The following COL5A2 variants were observed in gnomAD, a reference collection of about 807,000 sequenced individuals.
The protein encoded by COL5A2 is collagen type V alpha 2 chain.
A neutral mutation model predicts 208.2 loss-of-function variants in COL5A2; 23 were observed. The ratio of observed to expected loss-of-function variants is 0.11; its 90% CI spans 0.08 to 0.16. The LOEUF (loss-of-function observed/expected upper bound fraction) is 0.16. Ranked by LOEUF, COL5A2 falls within the 10% of genes least tolerant of loss-of-function variation. COL5A2 has a pLI of 1.00. For missense variants in COL5A2, 1,590 were observed against 1,956.4 expected, an observed-to-expected ratio of 0.81 and a Z score of 3.53; for synonymous variants, 625 against 628.5, an observed-to-expected ratio of 0.99 and a Z score of 0.08.
intron 26 of COL5A2, among the ~76,000 whole-genome samples, chr2:189,063,598 C>A (rs2105591792): frequency 6.6e-6 from 1 of 152,196 alleles, no homozygotes; most frequent in South Asian, 2.1e-4. Context: ...CATTGCAGAA[C>A]AAGGGAAGAT....
At chr2:189,293,884 A>G in the COL5A2 span, among the ~76,000 whole-genome samples, 620 of 152,180 alleles carry the variant, frequency 4.1e-3, 3 homozygotes, top group Middle Eastern at 6.8e-3. Flanking sequence ...AGGAGATCGA[A>G]ACCATCCTGG....
the COL5A2 span, among the ~76,000 whole-genome samples, chr2:189,302,641 A>C: frequency 6.6e-6 from 1 of 152,178 alleles, no homozygotes; most frequent in Non-Finnish European, 1.5e-5. Context: ...AAAATAATGA[A>C]AGGAAAATTC....
the COL5A2 span, among the ~76,000 whole-genome samples, chr2:189,313,779 T>C: frequency 6.6e-6 from 1 of 151,806 alleles, no homozygotes; most frequent in African/African-American, 2.4e-5. Flanking sequence ...CAGAAAAAAA[T>C]CAGGGGTTGC....
chr2:189,228,844 G>C (rs1239299795), upstream of COL5A2, among the ~76,000 whole-genome samples: 1 of 151,764 alleles, frequency 6.6e-6, no homozygotes, highest in Non-Finnish European at 1.5e-5. Flanking sequence ...CAAACCTAGA[G>C]AAAGACATCA....
chr2:189,099,962 C>T (rs992434511), intron 4 of COL5A2, 145 bp downstream of exon 4: 11 of 655,404 alleles, frequency 1.7e-5, no homozygotes, highest in Admixed American at 1.0e-4. Flanking sequence ...CTAATCTGTT[C>T]TGGTTTGCTT....
intron 1 of COL5A2, among the ~76,000 whole-genome samples, chr2:189,120,440 C>A (rs1687477620): frequency 6.6e-6 from 1 of 152,092 alleles, no homozygotes; most frequent in Non-Finnish European, 1.5e-5. Flanking sequence ...TTTTCATTAA[C>A]TACAACTAAG....
upstream of COL5A2, among the ~76,000 whole-genome samples, chr2:189,184,308 C>A (rs1688819742): frequency 6.6e-6 from 1 of 151,618 alleles, no homozygotes; most frequent in South Asian, 2.1e-4. Context: ...GAAAAGAAGA[C>A]ATTTCAAGCT....
At chr2:189,366,675 T>C in the COL5A2 span, among the ~76,000 whole-genome samples, 1 of 152,212 alleles carries the variant, frequency 6.6e-6, no homozygotes, top group Admixed American at 6.5e-5. Flanking sequence ...ACCTATAAGA[T>C]GGCCTGAAAA....
upstream of COL5A2, among the ~76,000 whole-genome samples, chr2:189,229,747 C>T (rs1689458382): frequency 6.6e-6 from 1 of 151,650 alleles, no homozygotes; most frequent in African/African-American, 2.4e-5. Context: ...ATTAAAATGT[C>T]CATACAACTG....
At chr2:189,397,019 G>T in the COL5A2 span, among the ~76,000 whole-genome samples, 3 of 150,536 alleles carry the variant, frequency 2.0e-5, no homozygotes, top group Non-Finnish European at 4.4e-5. Context: ...AGATAAATGA[G>T]ATAATTATAT....
At chr2:189,058,031 T>TAGTA in intron 33 of COL5A2, among the ~76,000 whole-genome samples, 1 of 152,182 alleles carries the variant, frequency 6.6e-6, no homozygotes, top group Non-Finnish European at 1.5e-5. Context: ...TTCACATATG[T>TAGTA]AGTAAGCAGA....
At chr2:189,321,894 G>T in the COL5A2 span, among the ~76,000 whole-genome samples, 1 of 152,010 alleles carries the variant, frequency 6.6e-6, no homozygotes, top group Admixed American at 6.6e-5. Context: ...GCACCACATC[G>T]CACCTATTCC....
At chr2:189,311,550 T>C in the COL5A2 span, 1 of 1,270,254 alleles carries the variant, frequency 7.9e-7, no homozygotes. Flanking sequence ...AGCTGCTCCA[T>C]CTGCTGGGCG....
chr2:189,052,826 C>G, intron 39 of COL5A2, 24 bp from the exon 40 acceptor site: 2 of 1,613,856 alleles, frequency 1.2e-6, no homozygotes, highest in Non-Finnish European at 1.7e-6. Flanking sequence ...AACAAAAGAG[C>G]ACTATAGTGA....
intron 1 of COL5A2, among the ~76,000 whole-genome samples, chr2:189,146,165 G>A (rs1456219285): frequency 6.6e-6 from 1 of 152,122 alleles, no homozygotes; most frequent in East Asian, 1.9e-4. Context: ...TTACCATTTA[G>A]TAAGAATTGT....
chr2:189,382,373 A>G, the COL5A2 span, among the ~76,000 whole-genome samples: 1 of 152,120 alleles, frequency 6.6e-6, no homozygotes. Context: ...ATAAAATAAA[A>G]TAAAAATTAA....
chr2:189,193,642 C>A (rs1688958460), intron 1 of COL5A2, among the ~76,000 whole-genome samples: 1 of 152,078 alleles, frequency 6.6e-6, no homozygotes, highest in Non-Finnish European at 1.5e-5. Context: ...AAATAACATG[C>A]AAAAATTACA....
intron 3 of COL5A2, among the ~76,000 whole-genome samples, chr2:189,101,190 T>C (rs1687039489): frequency 1.3e-5 from 2 of 152,080 alleles, no homozygotes; most frequent in Admixed American, 6.6e-5. Flanking sequence ...GAATTTAACA[T>C]CTCTAAAATG....
At chr2:189,347,491 G>A in the COL5A2 span, among the ~76,000 whole-genome samples, 1 of 152,042 alleles carries the variant, frequency 6.6e-6, no homozygotes. Flanking sequence ...ATTAAATTAG[G>A]TTTCAGGTAT....
Sources: allele counts gnomAD v4.1 joint callset (sites outside exome capture counted in the v4.1 genomes callset), GRCh38; gene constraint gnomAD v4.1.1; transcripts MANE v1.5; gene names NCBI Gene and HGNC (gene_info 2026-07-23, HGNC 2026-07-21).